Variants in CIB4 observed in about 807,000 individuals in gnomAD.
CIB4 encodes the protein calcium and integrin-binding family member 4.
Under a neutral mutation model 25.8 loss-of-function variants are expected in CIB4, and 25 were observed. The ratio of observed to expected loss-of-function variants is 0.97; its 90% CI spans 0.71 to 1.35. The LOEUF is 1.35. Among genes scored for constraint, CIB4 ranks in the 40% most tolerant of loss-of-function variants. CIB4 has a pLI of 0.00. For synonymous variants in CIB4, 75 were observed against 81.4 expected, an observed-to-expected ratio of 0.92 and a Z score of 0.42; for missense variants, 235 against 228.2, an observed-to-expected ratio of 1.03 and a Z score of -0.19.
At position 26,609,835 on chromosome 2, in the gene CIB4, CACAA is replaced by C. The variant is rs749874549; in HGVS notation, c.187-14522_187-14519del. 1.1e-4 allele frequency among the ~76,000 whole-genome samples: 16 copies of C among 152,334 alleles called. 2 individuals are homozygous for C. The South Asian group carries it at 1.4e-3, about 14-fold the overall frequency. ...AGTTTATACGTTTTCCCACGGAAAA[CACAA>C]ACAAAGTTCCGAACAACCAATATGA... is the stretch of plus-strand genomic sequence containing the variant. On this transcript the variant is annotated intron_variant, in intron 3 of 6. Transcript: ENST00000288861.
chr2:26,637,721 C>T (rs1302814341), intron 2 of CIB4, among the ~76,000 whole-genome samples: 1 of 152,174 alleles, frequency 6.6e-6, no homozygotes, highest in Admixed American at 6.5e-5. Context: ...TTCAGCATCT[C>T]CTGCCTTCGC....
Position 26,595,303 on chromosome 2 carries a change from T to G in CIB4, c.201A>C (p.Arg67Ser), listed in dbSNP as rs1668661839. 2 of 1,613,540 alleles carry G rather than the reference T, an allele frequency of 1.2e-6. No individual in the cohort carries two copies. Among genetic ancestry groups the G allele is most frequent in the South Asian group, 1.1e-5 (1 of 91,058 alleles). Residue 67 changes from arginine (R) to serine (S), a missense_variant, in exon 4 of 7, where the codon AGA (arginine) becomes AGC (serine). Arg to Ser is a moderately radical substitution (Grantham distance 110, BLOSUM62 -1). Coordinates refer to ENST00000288861, the MANE Select transcript of CIB4 (RefSeq NM_001029881.3). ...SLPALRVNPF[R>S]DRICRVFSHK... ...GGGAGAACACTCTGCAGATACGGTC[T>G]CTGAAAGGGTTGACCTGTGGGCGAC...
At chr2:26,582,436 G>C (rs1371171438) in intron 6 of CIB4, among the ~76,000 whole-genome samples, 1 of 152,124 alleles carries the variant, frequency 6.6e-6, no homozygotes, top group Non-Finnish European at 1.5e-5. Flanking sequence ...TCTTTTCTAT[G>C]AGCTCCACCA....
intron 3 of CIB4, among the ~76,000 whole-genome samples, chr2:26,599,691 T>C (rs528299883): frequency 1.6e-4 from 24 of 152,364 alleles, no homozygotes; most frequent in African/African-American, 5.3e-4. Flanking sequence ...AGTGTTTTTG[T>C]TTTCTTTTTC....
At position 26,585,252 on chromosome 2, in the gene CIB4, G is replaced by A. The variant is rs541277108; in HGVS notation, c.329-1354C>T. 2.0e-4 allele frequency among the ~76,000 whole-genome samples: 30 copies of A among 152,184 alleles called. No homozygotes were observed. The South Asian group carries it at 2.1e-3, about 11-fold the overall frequency. The stretch of plus-strand genomic sequence containing the variant: ...GGCACCCTGGGGAGCCAGGGACGGC[G>A]GCAGAGATGGAGCCACCCTGGGATG... On this transcript the variant is annotated intron_variant, in intron 4 of 6. Transcript: ENST00000288861.
chr2:26,640,220 C>T (rs1208387214), intron 2 of CIB4, among the ~76,000 whole-genome samples: 1 of 152,242 alleles, frequency 6.6e-6, no homozygotes, highest in African/African-American at 2.4e-5. Flanking sequence ...TCCCCAAGTC[C>T]TTTCCTTGTT....
At position 26,638,022 on chromosome 2, in the gene CIB4, C is replaced by T. The variant is rs547021587; in HGVS notation, c.89+2511G>A. On this transcript the variant is annotated intron_variant, in intron 2 of 6. Coordinates refer to ENST00000288861, the MANE Select transcript of CIB4 (RefSeq NM_001029881.3). ...AACCCCACCACCCCCAGCGCTGACGCACGCCGGCCTTTGAGAGTGGGAGCC... is the reference window on the plus strand; with the variant it reads ...AACCCCACCACCCCCAGCGCTGACGTACGCCGGCCTTTGAGAGTGGGAGCC... Among the ~76,000 whole-genome samples, 12 of 152,318 alleles carry T rather than the reference C, an allele frequency of 7.9e-5. No homozygotes were observed. In the East Asian group the frequency reaches 2.1e-3, roughly 27 times the overall value.
At chr2:26,636,073 C>T (rs1669526809) in intron 2 of CIB4, among the ~76,000 whole-genome samples, 1 of 152,130 alleles carries the variant, frequency 6.6e-6, no homozygotes, top group Non-Finnish European at 1.5e-5. Context: ...AAATGCTGTG[C>T]TAATACTGCC....
rs1033651194 is a variant in CIB4 at position 26,595,961 on chromosome 2, A to G, written c.187-644T>C. Among the ~76,000 whole-genome samples, 4 of 152,208 alleles carry G rather than the reference A, an allele frequency of 2.6e-5. No individual in the cohort carries two copies. In the South Asian group the frequency reaches 8.3e-4, roughly 31 times the overall value. On this transcript the variant is annotated intron_variant, in intron 3 of 6. Coordinates refer to ENST00000288861, the MANE Select transcript of CIB4 (RefSeq NM_001029881.3). ...GTCTTATAGAGACTGAAAACAGGAC[A>G]GTTGATGTGGTAGCTGCTGGTAGCA...
intron 4 of CIB4, among the ~76,000 whole-genome samples, chr2:26,592,813 T>C (rs569690702): frequency 6.6e-6 from 1 of 152,356 alleles, no homozygotes; most frequent in East Asian, 1.9e-4. Flanking sequence ...TTTCTTATAG[T>C]TTCTACTTCT....
intron 2 of CIB4, among the ~76,000 whole-genome samples, chr2:26,631,607 C>T (rs1212419931): frequency 6.6e-6 from 1 of 152,202 alleles, no homozygotes; most frequent in East Asian, 1.9e-4. Context: ...CTGCCAGCCA[C>T]TCACTGTTTC....
At chr2:26,629,260 C>G in intron 3 of CIB4, 150 bp downstream of exon 3, 1 of 630,588 alleles carries the variant, frequency 1.6e-6, no homozygotes, top group Admixed American at 2.4e-5. Context: ...TCCTTGCACT[C>G]CTCTGCCTGG....
chr2:26,636,318 T>C (rs1194684197), intron 2 of CIB4, among the ~76,000 whole-genome samples: 1 of 152,238 alleles, frequency 6.6e-6, no homozygotes, highest in Non-Finnish European at 1.5e-5. Context: ...CAAGTCTTTT[T>C]GTTTTTCCCA....
intron 4 of CIB4, among the ~76,000 whole-genome samples, chr2:26,585,620 G>A (rs1572537214): frequency 6.6e-6 from 1 of 152,092 alleles, no homozygotes; most frequent in African/African-American, 2.4e-5. Context: ...GCAGTTCACT[G>A]CATTTAATCC....
chr2:26,601,231 A>ATATATAT (rs1553374674), intron 3 of CIB4, among the ~76,000 whole-genome samples: 16 of 17,190 alleles, frequency 9.3e-4, no homozygotes, highest in African/African-American at 2.4e-3. Flanking sequence ...AAAAAAAAAA[A>ATATATAT]ATATATATAT....
At chr2:26,618,544 C>T (rs1045046957) in intron 3 of CIB4, among the ~76,000 whole-genome samples, 2 of 152,192 alleles carry the variant, frequency 1.3e-5, no homozygotes, top group African/African-American at 4.8e-5. Context: ...AAGTAATCCT[C>T]CCACCTCGAC....
At chr2:26,611,512 C>T (rs1369457458) in intron 3 of CIB4, among the ~76,000 whole-genome samples, 1 of 152,144 alleles carries the variant, frequency 6.6e-6, no homozygotes, top group Non-Finnish European at 1.5e-5. Context: ...CCCTATGAGG[C>T]ATAAAGGTTT....
intron 2 of CIB4, among the ~76,000 whole-genome samples, chr2:26,634,471 G>A (rs540250272): frequency 2.6e-5 from 4 of 152,284 alleles, no homozygotes; most frequent in East Asian, 1.9e-4. Flanking sequence ...CCACGTAATC[G>A]GTGCTGACCC....
chr2:26,584,037 A>C lies in CIB4; in HGVS notation c.329-139T>G, dbSNP rs1205286474. 1.3e-5 allele frequency: 8 copies of C among 615,534 alleles called. No individual in the cohort carries two copies. The East Asian group carries it at 1.7e-4, about 13-fold the overall frequency. The allele number at this position is 615,534 out of a possible 1,614,324, so 38.1% of individuals were successfully genotyped here. A position where few individuals can be genotyped will look rare whatever the true frequency, so the allele number is the denominator to read the frequency against. ...CCTCTGGGAGGCCCCCCAGAGCCCA[A>C]CTCTCCCAGGTGGGTCACACGTATG... On this transcript the variant is annotated intron_variant, in intron 4 of 6. Coordinates refer to ENST00000288861, the MANE Select transcript of CIB4 (RefSeq NM_001029881.3).
Sources: allele counts gnomAD v4.1 joint callset (sites outside exome capture counted in the v4.1 genomes callset), GRCh38; gene constraint gnomAD v4.1.1; transcripts MANE v1.5; gene names NCBI Gene and HGNC (gene_info 2026-07-23, HGNC 2026-07-21).